PUS7: variants seen among roughly 807,000 people sequenced by gnomAD.
PUS7 encodes the protein pseudouridylate synthase 7 homolog.
In PUS7, 48 loss-of-function variants were observed where a neutral mutation model predicts 79.8. That is an observed-to-expected ratio of 0.60 (90% confidence interval 0.48 to 0.76). PUS7 has a LOEUF of 0.76. PUS7 is among the 30% of genes least tolerant of loss of function. The pLI is 0.00. For synonymous variants in PUS7, 286 were observed against 272.2 expected (o/e 1.05, Z -0.50); for missense variants, 729 against 797.6 (o/e 0.91, Z 1.04).
At chr7:105,481,617 A>C (rs1824322980) in intron 8 of PUS7, among the ~76,000 whole-genome samples, 1 of 152,088 alleles carries the variant, frequency 6.6e-6, no homozygotes, top group Non-Finnish European at 1.5e-5. Context: ...CTGTACCCCT[A>C]AACAGTAACT....
In PUS7 at chr7:105,516,480, G is replaced by C. The variant is rs376854570; in HGVS notation, c.-33+5572C>G. Among the ~76,000 whole-genome samples the C allele has an allele frequency of 8.8e-4, 133 of 151,126 alleles. 2 individuals carry two copies. Among genetic ancestry groups the C allele is most frequent in the Non-Finnish European group, 3.4e-4 (23 of 67,830 alleles). ...TTTTTTGAGACGGAGTTTTGCTCTT[G>C]TTGCCCAGGCTGGAGTGCAATGGCG... On this transcript the variant is annotated intron_variant, in intron 1 of 15. Coordinates refer to ENST00000469408, the MANE Select transcript of PUS7 (RefSeq NM_019042.5).
intron 9 of PUS7, among the ~76,000 whole-genome samples, chr7:105,479,545 T>C (rs949135078): frequency 6.6e-6 from 1 of 152,220 alleles, no homozygotes; most frequent in Non-Finnish European, 1.5e-5. Flanking sequence ...GAGTCTCTGC[T>C]GGGCAACAGG....
At chr7:105,501,969 A>AAAAT (rs1825271650) in intron 5 of PUS7, among the ~76,000 whole-genome samples, 1 of 73,714 alleles carries the variant, frequency 1.4e-5, no homozygotes, top group Non-Finnish European at 2.9e-5. Context: ...AAAAAAAAAA[A>AAAAT]ATATATATAT....
intron 1 of PUS7, among the ~76,000 whole-genome samples, chr7:105,511,723 T>C (rs1397339780): frequency 6.6e-6 from 1 of 152,014 alleles, no homozygotes; most frequent in Non-Finnish European, 1.5e-5. Flanking sequence ...ATGACGCCAC[T>C]GCGCTCCAGC....
chr7:105,460,658 T>C (rs1161456947), intron 14 of PUS7, among the ~76,000 whole-genome samples: 1 of 151,244 alleles, frequency 6.6e-6, no homozygotes, highest in Non-Finnish European at 1.5e-5. Flanking sequence ...ATCGAGACCA[T>C]CCTGGCTAAC....
At chr7:105,497,251 T>C (rs1265362322) in intron 5 of PUS7, among the ~76,000 whole-genome samples, 5 of 152,212 alleles carry the variant, frequency 3.3e-5, no homozygotes, top group Non-Finnish European at 5.9e-5. Flanking sequence ...AAAGCTGCAC[T>C]GTCTGTACCC....
intron 9 of PUS7, among the ~76,000 whole-genome samples, chr7:105,474,678 G>A (rs1824015090): frequency 1.3e-5 from 2 of 152,084 alleles, no homozygotes; most frequent in Admixed American, 6.5e-5. Flanking sequence ...CTACTTGGGA[G>A]GCTGAGGCAG....
intron 14 of PUS7, among the ~76,000 whole-genome samples, chr7:105,459,596 C>T (rs1355914505): frequency 6.6e-6 from 1 of 151,816 alleles, no homozygotes; most frequent in African/African-American, 2.4e-5. Context: ...TGCCACCATG[C>T]CTGGCTAATT....
intron 12 of PUS7, 51 bp downstream of exon 12, chr7:105,468,286 A>C (rs919470516): frequency 6.3e-7 from 1 of 1,586,668 alleles, no homozygotes. Context: ...CACTAGTGGC[A>C]ACTAACTGAA....
At chr7:105,482,568 G>T in intron 7 of PUS7, 128 bp from the exon 8 acceptor site, 1 of 958,392 alleles carries the variant, frequency 1.0e-6, no homozygotes, top group Non-Finnish European at 1.5e-6. Flanking sequence ...GAAAGGAAAA[G>T]GCACTGCAGC....
chr7:105,514,354 C>G (rs2133283591), intron 1 of PUS7, among the ~76,000 whole-genome samples: 1 of 152,174 alleles, frequency 6.6e-6, no homozygotes, highest in African/African-American at 2.4e-5. Flanking sequence ...CCTGTAATCC[C>G]AGCACTTTGG....
At chr7:105,481,638 C>T (rs186418759) in intron 8 of PUS7, among the ~76,000 whole-genome samples, 1 of 152,144 alleles carries the variant, frequency 6.6e-6, no homozygotes, top group Non-Finnish European at 1.5e-5. Flanking sequence ...TTCCATTACC[C>T]CTACCCTACC....
At chr7:105,465,701 C>T (rs1428966247) in intron 12 of PUS7, among the ~76,000 whole-genome samples, 2 of 152,128 alleles carry the variant, frequency 1.3e-5, no homozygotes, top group East Asian at 1.9e-4. Context: ...GGCATGGTGG[C>T]GCATGCCTGT....
chr7:105,495,399 T>C, intron 5 of PUS7, 146 bp from the exon 6 acceptor site: 1 of 545,736 alleles, frequency 1.8e-6, no homozygotes, highest in Non-Finnish European at 3.2e-6. Context: ...CTGTGTGGAC[T>C]AGAGGTATTA....
chr7:105,486,036 CTT>C (rs1364988720), intron 7 of PUS7, among the ~76,000 whole-genome samples: 2 of 140,024 alleles, frequency 1.4e-5, no homozygotes, highest in Admixed American at 7.2e-5. Context: ...ATTTTTCTTT[CTT>C]TTTTTTTTTT....
At chr7:105,470,445 C>T (rs148288256) in intron 11 of PUS7, 9 of 358,480 alleles carry the variant, frequency 2.5e-5, no homozygotes, top group Middle Eastern at 7.7e-4. Flanking sequence ...AGAATTTCCA[C>T]TGAAGATTAT....
chr7:105,486,637 G>A (rs555233094), intron 7 of PUS7, among the ~76,000 whole-genome samples: 6 of 152,262 alleles, frequency 3.9e-5, no homozygotes, highest in African/African-American at 1.2e-4. Flanking sequence ...TGTAGAAACT[G>A]ACAGAACAAT....
intron 1 of PUS7, among the ~76,000 whole-genome samples, chr7:105,510,965 T>C (rs1434928353): frequency 2.0e-5 from 3 of 152,158 alleles, no homozygotes; most frequent in Admixed American, 6.5e-5. Context: ...CTCCAAGGCA[T>C]GGTTAACAAG....
At chr7:105,479,289 G>A (rs1024785071) in intron 9 of PUS7, among the ~76,000 whole-genome samples, 1 of 151,924 alleles carries the variant, frequency 6.6e-6, no homozygotes, top group Non-Finnish European at 1.5e-5. Context: ...ATCATTTTGC[G>A]CTTTTAAAAT....
Sources: allele counts gnomAD v4.1 joint callset (sites outside exome capture counted in the v4.1 genomes callset), GRCh38; gene constraint gnomAD v4.1.1; transcripts MANE v1.5; gene names NCBI Gene and HGNC (gene_info 2026-07-23, HGNC 2026-07-21).